ANXA11: variants seen among roughly 807,000 people sequenced by gnomAD.
ANXA11 encodes annexin A11.
A neutral mutation model predicts 64.7 loss-of-function variants in ANXA11; 57 were observed. The ratio of observed to expected loss-of-function variants is 0.88; its 90% CI spans 0.71 to 1.10. ANXA11 has a LOEUF of 1.10. Ranked by LOEUF, ANXA11 falls within the 50% of genes least tolerant of loss-of-function variation. ANXA11 has a pLI of 0.00. For synonymous variants in ANXA11, 260 were observed against 265.2 expected (o/e 0.98, Z 0.19); for missense variants, 675 against 670.7 (o/e 1.01, Z -0.07).
rs1846582510 is a variant in ANXA11 at position 80,187,391 on chromosome 10, G to A, written c.-57-11236C>T. ...AGAAAGTGGGCCCTCACCAGACACT[G>A]AGTCTGCTGGCACCTTCATCTTCAA... On this transcript the variant is annotated intron_variant, in intron 1 of 15. Coordinates refer to ENST00000422982, the MANE Select transcript of ANXA11 (RefSeq NM_145868.2). Among the ~76,000 whole-genome samples, 3 of 152,218 alleles carry A rather than the reference G, an allele frequency of 2.0e-5. No homozygotes were observed. The South Asian group carries it at 6.2e-4, about 32-fold the overall frequency.
chr10:80,205,087 G>A (rs1840612290), intron 1 of ANXA11, among the ~76,000 whole-genome samples: 2 of 151,982 alleles, frequency 1.3e-5, no homozygotes, highest in South Asian at 4.1e-4. Context: ...GGGGGACGGC[G>A]AGTGCACCCC....
chr10:80,200,570 T>G (rs1840376809), intron 1 of ANXA11, among the ~76,000 whole-genome samples: 1 of 152,192 alleles, frequency 6.6e-6, no homozygotes, highest in African/African-American at 2.4e-5. Context: ...AAAACTACAG[T>G]GAGAGTTTTT....
chr10:80,159,035 G>T, intron 13 of ANXA11, 65 bp downstream of exon 13: 2 of 1,242,034 alleles, frequency 1.6e-6, no homozygotes, highest in Non-Finnish European at 2.4e-6. Flanking sequence ...GGACAGGCGA[G>T]CAGCCTGAAC....
chr10:80,167,183 T>C lies in ANXA11; in HGVS notation c.649+43A>G, dbSNP rs1444868243. On this transcript the variant is annotated intron_variant, in intron 6 of 15. Coordinates refer to ENST00000422982, the MANE Select transcript of ANXA11 (RefSeq NM_145868.2). The stretch of plus-strand genomic sequence containing the variant: ...AGCCACAGTGAAACTGCCTGGGAAA[T>C]AGGGGGCAGGGAGTAGGATTTGAGC... 4.4e-6 allele frequency: 7 copies of C among 1,587,308 alleles called. No homozygotes were observed. In the East Asian group the frequency reaches 6.7e-5, roughly 15 times the overall value.
chr10:80,166,014 ACGCATGCG>A (rs945400482), intron 8 of ANXA11, 62 bp downstream of exon 8: 12 of 987,014 alleles, frequency 1.2e-5, no homozygotes, highest in African/African-American at 3.3e-5. Flanking sequence ...GTGTGTCCAC[ACGCATGCG>A]CGCGTGCGCA....
intron 7 of ANXA11, chr10:80,166,456 A>C (rs1474639244): frequency 2.1e-6 from 1 of 472,348 alleles, no homozygotes; most frequent in Admixed American, 3.8e-5. Flanking sequence ...GAATCTAATC[A>C]ATATTTACCG....
In ANXA11 at chr10:80,169,419, C is replaced by A. The variant is rs546760749; in HGVS notation, c.172-61G>T. 5 of 1,579,292 alleles carry A rather than the reference C, an allele frequency of 3.2e-6. No individual in the cohort carries two copies. The South Asian group carries it at 4.5e-5, about 14-fold the overall frequency. ...GCCCTGCTGCACTCCGTCCCTCCAC[C>A]CTTTTTCATACCTAAGCCAAGTCAG... On this transcript the variant is annotated intron_variant, in intron 4 of 15. Transcript: ENST00000422982.
At chr10:80,205,167 C>T (rs965215693) in intron 1 of ANXA11, among the ~76,000 whole-genome samples, 176 bp downstream of exon 1, 3 of 152,080 alleles carry the variant, frequency 2.0e-5, no homozygotes, top group African/African-American at 7.2e-5. Flanking sequence ...ACACGGCCCG[C>T]CCGCGACCCG....
intron 4 of ANXA11, 29 bp downstream of exon 4, chr10:80,170,771 G>T (rs780294231): frequency 2.8e-6 from 4 of 1,447,454 alleles, no homozygotes; most frequent in Non-Finnish European, 3.6e-6. Context: ...GTGGCCCCAG[G>T]GCTGCCTCAG....
At chr10:80,166,843 A>AGC in intron 7 of ANXA11, 47 bp downstream of exon 7, 1 of 1,418,908 alleles carries the variant, frequency 7.0e-7, no homozygotes, top group Non-Finnish European at 9.7e-7. Context: ...GGCTGTGCTG[A>AGC]GCCCAGGACA....
Position 80,172,806 on chromosome 10 carries a change from C to A in ANXA11, c.55+1G>T, listed in dbSNP as rs201390006. 1 of 1,613,994 alleles carries A rather than the reference C, an allele frequency of 6.2e-7. No individual in the cohort carries two copies. Among genetic ancestry groups the A allele is most frequent in the Admixed American group, 1.7e-5 (1 of 60,016 alleles). On this transcript the variant is annotated splice_donor_variant, in intron 3 of 15. Transcript: ENST00000422982. LOFTEE classifies it high-confidence loss of function. ...CTCCTCCCCACCCCAGACCCTCTTA[C>A]CTGGTGCAGCTGGTGGGTAGCCACC...
At chr10:80,163,935 TG>T (rs372438976) in intron 9 of ANXA11, 117 bp downstream of exon 9, 2 of 832,820 alleles carry the variant, frequency 2.4e-6, no homozygotes, top group African/African-American at 3.4e-5. Flanking sequence ...TGGCAGAAGA[TG>T]GGTTGATAAG....
intron 3 of ANXA11, 116 bp from the exon 4 acceptor site, chr10:80,171,031 G>A (rs745306951): frequency 2.6e-5 from 39 of 1,521,852 alleles, no homozygotes; most frequent in Non-Finnish European, 2.9e-5. Context: ...CTCGAGCCTC[G>A]AGCCTCGGGA....
At chr10:80,188,343 T>G (rs1296003456) in intron 1 of ANXA11, among the ~76,000 whole-genome samples, 1 of 151,922 alleles carries the variant, frequency 6.6e-6, no homozygotes, top group Non-Finnish European at 1.5e-5. Context: ...TGACAATGAT[T>G]CCATTCTAGC....
Position 80,163,348 on chromosome 10 carries a change from C to T in ANXA11, c.1086+1G>A, listed in dbSNP as rs1487959455. Reference sequence around the variant, plus strand: ...TCCAGGGGCTTGGCCATCACACTCACCTGGGCATCTCTCTGGGCGAGTGAC... The same window carrying T: ...TCCAGGGGCTTGGCCATCACACTCATCTGGGCATCTCTCTGGGCGAGTGAC... On this transcript the variant is annotated splice_donor_variant, in intron 11 of 15. Coordinates refer to ENST00000422982, the MANE Select transcript of ANXA11 (RefSeq NM_145868.2). LOFTEE classifies it high-confidence loss of function. The T allele has an allele frequency of 8.1e-6, 13 of 1,613,124 alleles. No individual in the cohort carries two copies. The East Asian group carries it at 2.9e-4, about 36-fold the overall frequency.
At chr10:80,160,310 T>C (rs1022134672) in intron 12 of ANXA11, among the ~76,000 whole-genome samples, 1 of 152,230 alleles carries the variant, frequency 6.6e-6, no homozygotes, top group African/African-American at 2.4e-5. Context: ...TACAGGATAG[T>C]GCAGAGGTTA....
At chr10:80,171,551 C>T (rs1845977006) in intron 3 of ANXA11, 5 of 893,384 alleles carry the variant, frequency 5.6e-6, no homozygotes, top group Non-Finnish European at 6.7e-6. Context: ...GTTTCCTCAG[C>T]TTACAAATGG....
At chr10:80,198,567 C>T (rs1015788510) in intron 1 of ANXA11, among the ~76,000 whole-genome samples, 2 of 152,212 alleles carry the variant, frequency 1.3e-5, no homozygotes, top group African/African-American at 2.4e-5. Flanking sequence ...ATTCAGGGTG[C>T]AGTCCAAGAA....
intron 12 of ANXA11, among the ~76,000 whole-genome samples, chr10:80,160,103 A>G (rs181916855): frequency 1.4e-4 from 21 of 152,324 alleles, no homozygotes; most frequent in African/African-American, 5.1e-4. Flanking sequence ...CCTGAGTCTC[A>G]GCTACCATTT....
Sources: allele counts gnomAD v4.1 joint callset (sites outside exome capture counted in the v4.1 genomes callset), GRCh38; gene constraint gnomAD v4.1.1; transcripts MANE v1.5; gene names NCBI Gene and HGNC (gene_info 2026-07-23, HGNC 2026-07-21).